Variants in BRF1 observed in about 807,000 individuals in gnomAD.
BRF1 encodes the protein BRF1 general transcription factor IIIB subunit, also known as transcription factor IIIB 90 kDa subunit.
Under a neutral mutation model 81.7 loss-of-function variants are expected in BRF1, and 59 were observed. The ratio of observed to expected loss-of-function variants is 0.72; its 90% CI spans 0.59 to 0.90. The LOEUF (loss-of-function observed/expected upper bound fraction) is 0.90. BRF1 is among the 40% of genes least tolerant of loss of function. The pLI is 0.00. For missense variants in BRF1, 1,050 were observed against 936.3 expected (o/e 1.12, Z -1.58); for synonymous variants, 491 against 395.6 (o/e 1.24, Z -2.86).
intron 2 of BRF1, among the ~76,000 whole-genome samples, chr14:105,283,488 G>A (rs1053998150): frequency 2.0e-5 from 3 of 152,218 alleles, no homozygotes; most frequent in Non-Finnish European, 2.9e-5. Flanking sequence ...CCCACACAGT[G>A]AGTGGGGTCC....
intron 5 of BRF1, among the ~76,000 whole-genome samples, chr14:105,242,960 CA>C (rs1236314503): frequency 6.7e-6 from 1 of 148,864 alleles, no homozygotes; most frequent in Non-Finnish European, 1.5e-5. Flanking sequence ...AACTAAAATA[CA>C]AAAAATGAGC....
intron 7 of BRF1, 103 bp downstream of exon 7, chr14:105,228,717 G>T (rs961128983): frequency 2.3e-6 from 3 of 1,323,506 alleles, no homozygotes; most frequent in Admixed American, 1.8e-5. Context: ...CCAGGCGGGG[G>T]ACGGCAGGGT....
At chr14:105,267,116 G>C (rs1191426465) in intron 3 of BRF1, among the ~76,000 whole-genome samples, 1 of 152,168 alleles carries the variant, frequency 6.6e-6, no homozygotes, top group Non-Finnish European at 1.5e-5. Context: ...TTAAAGGAGA[G>C]ACTCCAAAAC....
Position 105,209,399 on chromosome 14 carries a change from G to C in BRF1, c.*1152C>G. The stretch of plus-strand genomic sequence containing the variant: ...CTACTGAGCTCTGGGCGGGGGTAGG[G>C]GGGTCTGGCCTGCTGCGGGCCAAGT... On this transcript the variant is annotated 3_prime_UTR_variant, in exon 18 of 18. Coordinates refer to ENST00000547530, the MANE Select transcript of BRF1 (RefSeq NM_001519.4). The C allele has an allele frequency of 1.5e-6, 1 of 649,998 alleles. No homozygotes were observed. Among genetic ancestry groups the C allele is most frequent in the Non-Finnish European group, 2.8e-6 (1 of 355,380 alleles). 40.3% of individuals were successfully genotyped at this position (649,998 alleles called of 1,614,324 possible). A position where few individuals can be genotyped will look rare whatever the true frequency, so the allele number is the denominator to read the frequency against.
chr14:105,283,532 C>T (rs932195054), intron 2 of BRF1, among the ~76,000 whole-genome samples: 14 of 152,332 alleles, frequency 9.2e-5, no homozygotes, highest in Non-Finnish European at 1.2e-4. Flanking sequence ...TCACAACCTT[C>T]ACTGACACTC....
chr14:105,256,621 G>A (rs2055887536), intron 3 of BRF1, 72 bp from the exon 4 acceptor site: 1 of 1,581,528 alleles, frequency 6.3e-7, no homozygotes, highest in Non-Finnish European at 8.6e-7. Context: ...AAATGGGCAG[G>A]ACCGCAGGAC....
intron 2 of BRF1, among the ~76,000 whole-genome samples, chr14:105,279,951 C>T (rs587630177): frequency 1.3e-5 from 2 of 152,318 alleles, no homozygotes; most frequent in Non-Finnish European, 2.9e-5. Context: ...CAGATGCGGA[C>T]GACTAGAGCC....
At position 105,210,691 on chromosome 14, in the gene BRF1, T is replaced by TCCAGCC. The variant is rs1000938249; in HGVS notation, c.1997-109_1997-104dup. 55 of 1,348,198 alleles carry TCCAGCC rather than the reference T, an allele frequency of 4.1e-5. No homozygotes were observed. Among genetic ancestry groups the TCCAGCC allele is most frequent in the South Asian group, 5.1e-5 (4 of 78,794 alleles). 83.5% of individuals were successfully genotyped at this position (1,348,198 alleles called of 1,614,324 possible). Reference sequence around the variant, plus strand: ...TGGTGCCCCCCTAGAAGACTCAGGCTCCAGCCCCAGCCCCAGCCCCCCGCG... The same window carrying TCCAGCC: ...TGGTGCCCCCCTAGAAGACTCAGGCTCCAGCCCCAGCCCCAGCCCCAGCCCCCCGCG... On this transcript the variant is annotated intron_variant, in intron 17 of 17. Transcript: ENST00000547530. The surrounding 1 kb of genome is among the most constrained non-coding windows in gnomAD (Gnocchi z 4.7).
intron 15 of BRF1, among the ~76,000 whole-genome samples, chr14:105,215,475 CACACACACACGTACTGAGTGCACCA>C (rs1305345439): frequency 6.6e-6 from 1 of 152,096 alleles, no homozygotes; most frequent in Non-Finnish European, 1.5e-5. Context: ...AGAACACATG[CACACACACACGTACTGAGTGCACCA>C]ACGCACACAC....
Position 105,218,902 on chromosome 14 carries a change from C to T in BRF1, c.1515+96G>A, listed in dbSNP as rs113978714. 568 of 1,560,818 alleles carry T rather than the reference C, an allele frequency of 3.6e-4. 9 individuals are homozygous for T. The Middle Eastern group carries it at 5.1e-3, about 14-fold the overall frequency. On this transcript the variant is annotated intron_variant, in intron 14 of 17. Coordinates refer to ENST00000547530, the MANE Select transcript of BRF1 (RefSeq NM_001519.4). ...CGGCTGCCTGCCCTGGGGCCTAGACCCTCCTGTCACATGGGGAAGGGACAT... is the reference window on the plus strand; with the variant it reads ...CGGCTGCCTGCCCTGGGGCCTAGACTCTCCTGTCACATGGGGAAGGGACAT...
At chr14:105,304,102 G>A (rs2058108634), upstream of BRF1, among the ~76,000 whole-genome samples, 1 of 152,252 alleles carries the variant, frequency 6.6e-6, no homozygotes, top group South Asian at 2.1e-4. Flanking sequence ...GTGCAGGACA[G>A]TCAGGCAGTA....
At chr14:105,219,276 C>G in intron 12 of BRF1, 44 bp from the exon 13 acceptor site, 1 of 1,603,264 alleles carries the variant, frequency 6.2e-7, no homozygotes, top group Non-Finnish European at 8.5e-7. Flanking sequence ...AGCCTTCGCA[C>G]ACCGGGGCAT....
chr14:105,214,498 TGCATGGCTCAGCTGCCCACACC>T (rs1168642565), intron 15 of BRF1, among the ~76,000 whole-genome samples: 22 of 47,542 alleles, frequency 4.6e-4, no homozygotes, highest in African/African-American at 4.5e-3. Context: ...CCCACACCCC[TGCATGGCTCAGCTGCCCACACC>T]CCTGCGTGGC....
Position 105,315,090 on chromosome 14 carries a change from C to A in BRF1, c.-162+232G>T. 4 of 1,048,746 alleles carry A rather than the reference C, an allele frequency of 3.8e-6. No homozygotes were observed. The highest frequency in any genetic ancestry group is 3.5e-6 in the Non-Finnish European group (3 of 864,194). 65.0% of individuals were successfully genotyped at this position (1,048,746 alleles called of 1,614,324 possible). A position where few individuals can be genotyped will look rare whatever the true frequency, so the allele number is the denominator to read the frequency against. ...CCGCCGGGCACCTGCTGGGGGTGTC[C>A]TGGCCGCGGCCTCTGCGCGCCCCAT... On this transcript the variant is annotated intron_variant, in intron 1 of 17. Coordinates refer to the BRF1 transcript ENST00000327359. This position sits in a 1 kb window ranked among gnomAD's most constrained non-coding sequence, Gnocchi z 4.4.
chr14:105,249,273 A>ACGCGTGC, intron 5 of BRF1: 6 of 1,563,688 alleles, frequency 3.8e-6, no homozygotes, highest in Non-Finnish European at 5.2e-6. Flanking sequence ...CCCTCTCGGA[A>ACGCGTGC]CGCGTGCCCC....
chr14:105,301,162 G>A (rs375637888), upstream of BRF1: 4 of 152,938 alleles, frequency 2.6e-5, no homozygotes, highest in African/African-American at 9.7e-5. Context: ...CAAGGCTGGC[G>A]ACGCGACCTA....
Position 105,241,708 on chromosome 14 carries a change from C to A in BRF1, c.545-294G>T, listed in dbSNP as rs1165510620. On this transcript the variant is annotated intron_variant, in intron 5 of 17. Coordinates refer to ENST00000547530, the MANE Select transcript of BRF1 (RefSeq NM_001519.4). ...CCTGCTCAGGACACAGAGGGGCGCA[C>A]ACCCAGCAGCCTTCCCTCCAGACCA... 6 of 467,178 alleles carry A rather than the reference C, an allele frequency of 1.3e-5. No individual in the cohort carries two copies. In the East Asian group the frequency reaches 2.4e-4, roughly 19 times the overall value. 28.9% of individuals were successfully genotyped at this position (467,178 alleles called of 1,614,324 possible).
rs759621566 is a variant in BRF1, at chr14:105,217,708, G to C, written c.1608C>G (p.Ser536Arg). The C allele has an allele frequency of 1.2e-6, 2 of 1,613,388 alleles. No individual in the cohort carries two copies. Among genetic ancestry groups the C allele is most frequent in the Admixed American group, 1.7e-5 (1 of 60,026 alleles). The change falls in exon 15 of 18, where the codon AGC (serine) becomes AGG (arginine). Residue 536 changes from serine (S) to arginine (R), a missense_variant. Physicochemically the swap from Ser to Arg is moderately radical, Grantham distance 110. Around this residue, in one of 2 missense-constraint regions of BRF1, gnomAD observed 1,043 missense variants for 915.4 expected, o/e 1.14. Transcript: ENST00000547530. ...CCCGGAGCACGCTATAATTGATCTTGCTGGAGATCTTCTTCTGCTCCAGCA... is the reference window on the plus strand; with the variant it reads ...CCCGGAGCACGCTATAATTGATCTTCCTGGAGATCTTCTTCTGCTCCAGCA... The part of the protein sequence containing the change: ...EKMLEQKKIS[S>R]KINYSVLRGL...
chr14:105,278,435 CAAA>C (rs368178497), intron 2 of BRF1, among the ~76,000 whole-genome samples: 2 of 108,520 alleles, frequency 1.8e-5, no homozygotes, highest in African/African-American at 3.4e-5. Flanking sequence ...ACCCTGTCTC[CAAA>C]AAAAAAAAAA....
Sources: gnomAD v4.1 joint callset for allele counts (sites outside exome capture counted in the v4.1 genomes callset) on GRCh38, gnomAD v4.1.1 for gene constraint, gnomAD v4.1.1 regional missense constraint, Gnocchi (gnomAD v3.1) non-coding constraint, MANE v1.5 for transcripts, NCBI Gene and HGNC (gene_info 2026-07-23, HGNC 2026-07-21) for gene names.